MICU2: variants seen among roughly 807,000 people sequenced by gnomAD.
MICU2 encodes calcium uptake protein 2, mitochondrial.
MICU2 carries 64 observed loss-of-function variants against 60.4 expected under a neutral mutation model. The observed-to-expected ratio is 1.06, with a 90% CI of 0.87 to 1.31. The LOEUF is 1.31. Among genes scored for constraint, MICU2 ranks in the 50% most tolerant of loss-of-function variants. MICU2 has a pLI of 0.00. For missense variants in MICU2, 569 were observed against 531.0 expected, an observed-to-expected ratio of 1.07 and a Z score of -0.70; for synonymous variants, 201 against 175.0, an observed-to-expected ratio of 1.15 and a Z score of -1.17.
At chr13:21,500,570 A>C (rs957477187) in intron 9 of MICU2, among the ~76,000 whole-genome samples, 2 of 151,740 alleles carry the variant, frequency 1.3e-5, no homozygotes, top group Admixed American at 1.3e-4. Flanking sequence ...GTGTGGCACC[A>C]TGCCCGGCTA....
intron 1 of MICU2, among the ~76,000 whole-genome samples, chr13:21,581,753 G>A (rs926169929): frequency 6.6e-5 from 10 of 152,024 alleles, no homozygotes; most frequent in African/African-American, 2.4e-4. Context: ...AAATTTAAGT[G>A]AAAAGAGCTT....
intron 1 of MICU2, among the ~76,000 whole-genome samples, chr13:21,603,109 T>G (rs2138084263): frequency 6.7e-6 from 1 of 150,194 alleles, no homozygotes; most frequent in Non-Finnish European, 1.5e-5. Context: ...CACACCCAGC[T>G]AATTGTTTAT....
chr13:21,538,562 C>A (rs200810423), intron 4 of MICU2, among the ~76,000 whole-genome samples: 301 of 102,120 alleles, frequency 2.9e-3, no homozygotes, highest in Middle Eastern at 0.012. Flanking sequence ...GACCCTGTCT[C>A]AAAAAAAAAA....
intron 4 of MICU2, 95 bp from the exon 5 acceptor site, chr13:21,522,745 T>C (rs1886750211): frequency 1.1e-6 from 1 of 914,206 alleles, no homozygotes. Context: ...TAAAAAACAA[T>C]TTTACTTTAA....
intron 7 of MICU2, among the ~76,000 whole-genome samples, chr13:21,512,065 TG>T (rs990093837): frequency 1.3e-5 from 2 of 152,170 alleles, no homozygotes; most frequent in African/African-American, 4.8e-5. Context: ...TCCAGAGTGG[TG>T]GTTTTACATT....
At chr13:21,575,729 C>CAA (rs10557584) in intron 1 of MICU2, among the ~76,000 whole-genome samples, 790 of 48,052 alleles carry the variant, frequency 0.016, 136 homozygotes, top group African/African-American at 0.035. Context: ...GACTCTGTCT[C>CAA]AAAAAAAAAA....
chr13:21,510,388 G>T (rs1364500776), intron 7 of MICU2, among the ~76,000 whole-genome samples: 1 of 152,158 alleles, frequency 6.6e-6, no homozygotes, highest in Non-Finnish European at 1.5e-5. Flanking sequence ...GTTTAGAATA[G>T]TGAAATAAAT....
intron 1 of MICU2, among the ~76,000 whole-genome samples, chr13:21,589,764 T>TC (rs1056860545): frequency 3.4e-5 from 5 of 145,150 alleles, no homozygotes; most frequent in Non-Finnish European, 6.2e-5. Context: ...TAACCATTTT[T>TC]CCCACCAAAC....
At chr13:21,498,931 T>C (rs1886073801) in intron 9 of MICU2, among the ~76,000 whole-genome samples, 1 of 152,174 alleles carries the variant, frequency 6.6e-6, no homozygotes, top group Non-Finnish European at 1.5e-5. Context: ...TTCTGATAGA[T>C]GAAAAATGGT....
At chr13:21,519,881 G>A (rs1886674350) in intron 6 of MICU2, among the ~76,000 whole-genome samples, 2 of 152,188 alleles carry the variant, frequency 1.3e-5, no homozygotes, top group South Asian at 4.1e-4. Context: ...CCCTTTAAAT[G>A]CAGTTTTTGC....
chr13:21,540,239 A>C lies in MICU2; in HGVS notation c.359-551T>G, dbSNP rs539789508. On this transcript the variant is annotated intron_variant, in intron 2 of 11. Transcript: ENST00000382374. ...TTAAAATTCTTTCAGGTTTTCAGCC[A>C]CCCTCTTTACTGCCTACATCATTTT... is the stretch of plus-strand genomic sequence containing the variant. Among the ~76,000 whole-genome samples the C allele has an allele frequency of 7.9e-5, 12 of 152,248 alleles. No individual in the cohort carries two copies. In the South Asian group the frequency reaches 2.3e-3, roughly 29 times the overall value.
intron 9 of MICU2, among the ~76,000 whole-genome samples, chr13:21,500,996 T>A (rs1164964694): frequency 6.6e-6 from 1 of 152,180 alleles, no homozygotes; most frequent in Non-Finnish European, 1.5e-5. Flanking sequence ...ACATTTAATT[T>A]TTTGATTCAT....
intron 1 of MICU2, among the ~76,000 whole-genome samples, chr13:21,576,730 G>A (rs1013041237): frequency 6.6e-6 from 1 of 152,144 alleles, no homozygotes; most frequent in African/African-American, 2.4e-5. Flanking sequence ...CTGACAGTGA[G>A]GATTCTTAAA....
intron 7 of MICU2, among the ~76,000 whole-genome samples, chr13:21,510,732 T>C (rs570295041): frequency 6.6e-6 from 1 of 152,234 alleles, no homozygotes; most frequent in South Asian, 2.1e-4. Flanking sequence ...TGTGGGATCG[T>C]CTAGCATGTC....
chr13:21,582,544 A>G (rs112661050), intron 1 of MICU2, among the ~76,000 whole-genome samples: 7 of 152,340 alleles, frequency 4.6e-5, no homozygotes, highest in African/African-American at 1.7e-4. Flanking sequence ...TATGAGTTCT[A>G]AATTTCTCTT....
intron 2 of MICU2, among the ~76,000 whole-genome samples, chr13:21,565,503 A>G (rs1887958142): frequency 6.6e-6 from 1 of 152,220 alleles, no homozygotes; most frequent in Admixed American, 6.5e-5. Context: ...TAAAAAGTAC[A>G]AAAAATTAGC....
At chr13:21,600,939 G>A (rs1888800088) in intron 1 of MICU2, among the ~76,000 whole-genome samples, 1 of 152,106 alleles carries the variant, frequency 6.6e-6, no homozygotes, top group African/African-American at 2.4e-5. Context: ...TGGGACTACA[G>A]GCGCCCGCCA....
chr13:21,592,403 G>A (rs1241943372), intron 1 of MICU2, among the ~76,000 whole-genome samples: 1 of 152,188 alleles, frequency 6.6e-6, no homozygotes. Flanking sequence ...CCCAGGACCA[G>A]ATGGATTCAC....
intron 1 of MICU2, among the ~76,000 whole-genome samples, chr13:21,572,801 C>A (rs1888141626): frequency 6.6e-6 from 1 of 152,040 alleles, no homozygotes; most frequent in African/African-American, 2.4e-5. Flanking sequence ...ATTGCCTGGA[C>A]CAATCGATGT....
Sources: gnomAD v4.1 joint callset for allele counts (sites outside exome capture counted in the v4.1 genomes callset) on GRCh38, gnomAD v4.1.1 for gene constraint, MANE v1.5 for transcripts, NCBI Gene and HGNC (gene_info 2026-07-23, HGNC 2026-07-21) for gene names.